SGCZ: variants seen among roughly 807,000 people sequenced by gnomAD.
The protein encoded by SGCZ is sarcoglycan zeta, also known as zeta-sarcoglycan.
SGCZ carries 40 observed loss-of-function variants against 41.3 expected under a neutral mutation model. That is an observed-to-expected ratio of 0.97 (90% confidence interval 0.75 to 1.26). SGCZ has a LOEUF of 1.26. Among genes scored for constraint, SGCZ ranks in the 50% most tolerant of loss-of-function variants. The pLI, the probability that SGCZ is intolerant of heterozygous loss-of-function variation, is 0.00. For synonymous variants in SGCZ, 206 were observed against 137.5 expected, an observed-to-expected ratio of 1.50 and a Z score of -3.49; for missense variants, 552 against 369.8, an observed-to-expected ratio of 1.49 and a Z score of -4.04.
chr8:14,252,484 G>T (rs776640668), intron 3 of SGCZ, among the ~76,000 whole-genome samples: 2 of 151,900 alleles, frequency 1.3e-5, no homozygotes, highest in African/African-American at 4.8e-5. Context: ...GTGAATAATT[G>T]TTTCTGTTAA....
intron 4 of SGCZ, among the ~76,000 whole-genome samples, chr8:14,168,558 C>A (rs886132685): frequency 6.6e-6 from 1 of 152,124 alleles, no homozygotes; most frequent in Non-Finnish European, 1.5e-5. Context: ...TTCCCGGCTG[C>A]CACGTAAGAT....
At chr8:14,853,710 T>C (rs541574019) in intron 1 of SGCZ, among the ~76,000 whole-genome samples, 25 of 152,202 alleles carry the variant, frequency 1.6e-4, no homozygotes, top group Admixed American at 1.3e-3. Flanking sequence ...ATGGGTACCA[T>C]AGAAGAGCTA....
In SGCZ at chr8:14,502,361, T is replaced by C. The variant is rs534072041; in HGVS notation, c.234+52371A>G. Among the ~76,000 whole-genome samples the C allele has an allele frequency of 2.4e-3, 361 of 152,300 alleles. 2 individuals carry two copies. Among genetic ancestry groups the C allele is most frequent in the Non-Finnish European group, 4.0e-3 (273 of 68,020 alleles). On this transcript the variant is annotated intron_variant, in intron 2 of 7. Coordinates refer to ENST00000382080, the MANE Select transcript of SGCZ (RefSeq NM_139167.4). ...TCTCAATCAGGCAATAAGTAATATT[T>C]ATTCATGTACGCATGAATTTATCAA...
intron 2 of SGCZ, among the ~76,000 whole-genome samples, chr8:14,451,750 A>G (rs752554013): frequency 5.3e-5 from 8 of 152,218 alleles, no homozygotes; most frequent in Non-Finnish European, 1.2e-4. Context: ...AATGTCCAAC[A>G]TTGTATATCA....
intron 1 of SGCZ, among the ~76,000 whole-genome samples, chr8:14,562,475 T>C: frequency 6.6e-6 from 1 of 152,126 alleles, no homozygotes; most frequent in Admixed American, 6.5e-5. Context: ...AGCAATATAA[T>C]GTTAATTAGT....
At chr8:14,289,843 G>T (rs565538087) in intron 3 of SGCZ, among the ~76,000 whole-genome samples, 1 of 150,680 alleles carries the variant, frequency 6.6e-6, no homozygotes, top group South Asian at 2.1e-4. Context: ...AAAAAGAAAA[G>T]AAAAAGAGGT....
chr8:15,166,278 C>T (rs1224719711), intron 1 of SGCZ, among the ~76,000 whole-genome samples: 2 of 146,546 alleles, frequency 1.4e-5, no homozygotes, highest in Admixed American at 7.0e-5. Flanking sequence ...GACGGAGTCT[C>T]GCTCTGTCGC....
At chr8:14,927,758 T>C (rs1563369214) in intron 1 of SGCZ, among the ~76,000 whole-genome samples, 2 of 152,132 alleles carry the variant, frequency 1.3e-5, no homozygotes, top group East Asian at 3.9e-4. Context: ...GAAAGCAAAA[T>C]GCGTTGACTC....
Position 15,200,829 on chromosome 8 carries a change from A to T in SGCZ, c.39+36756T>A, listed in dbSNP as rs543923713. On this transcript the variant is annotated intron_variant, in intron 1 of 7. Coordinates refer to ENST00000382080, the MANE Select transcript of SGCZ (RefSeq NM_139167.4). ...CCTGACCCAAAGTCCTTAACCTGTC[A>T]CACTCTGCCTGAGTTCTAATCCATT... 3.2e-4 allele frequency among the ~76,000 whole-genome samples: 48 copies of T among 152,300 alleles called. No individual in the cohort carries two copies. The South Asian group carries it at 9.7e-3, about 31-fold the overall frequency.
intron 1 of SGCZ, among the ~76,000 whole-genome samples, chr8:14,969,807 G>A (rs137926296): frequency 6.6e-6 from 1 of 152,028 alleles, no homozygotes; most frequent in East Asian, 1.9e-4. Flanking sequence ...ATAAGTTGGC[G>A]CTACTGCAAA....
chr8:14,910,856 T>C (rs895180641), intron 1 of SGCZ, among the ~76,000 whole-genome samples: 1 of 151,964 alleles, frequency 6.6e-6, no homozygotes, highest in East Asian at 1.9e-4. Context: ...AGATGGCTTT[T>C]TCAGAAGCAA....
At chr8:14,423,634 G>A (rs1432329670) in intron 2 of SGCZ, among the ~76,000 whole-genome samples, 3 of 152,032 alleles carry the variant, frequency 2.0e-5, no homozygotes, top group African/African-American at 4.8e-5. Flanking sequence ...GGTTGGTCGC[G>A]AACTCCTGAC....
chr8:15,051,875 T>C (rs566810498), intron 1 of SGCZ, among the ~76,000 whole-genome samples: 6 of 151,996 alleles, frequency 3.9e-5, no homozygotes, highest in Non-Finnish European at 7.4e-5. Context: ...GCTGGAAGGA[T>C]AGGAAGTGTA....
chr8:14,891,696 A>G (rs1021189823), intron 1 of SGCZ, among the ~76,000 whole-genome samples: 7 of 152,186 alleles, frequency 4.6e-5, no homozygotes, highest in Non-Finnish European at 8.8e-5. Context: ...GCAAAATGCT[A>G]TCAAACGGAG....
chr8:15,209,689 A>C (rs1013770903), intron 1 of SGCZ, among the ~76,000 whole-genome samples: 1 of 152,178 alleles, frequency 6.6e-6, no homozygotes, highest in Non-Finnish European at 1.5e-5. Context: ...AACAGACAAA[A>C]CATAAGGCAA....
chr8:15,082,085 T>TG (rs1805772380), intron 1 of SGCZ, among the ~76,000 whole-genome samples: 1 of 151,926 alleles, frequency 6.6e-6, no homozygotes, highest in African/African-American at 2.4e-5. Flanking sequence ...AAAAATTAGC[T>TG]GGGCATGATC....
At chr8:15,199,430 T>A (rs916952814) in intron 1 of SGCZ, among the ~76,000 whole-genome samples, 5 of 152,194 alleles carry the variant, frequency 3.3e-5, no homozygotes, top group African/African-American at 1.2e-4. Context: ...TAAATTTGTG[T>A]AATAAAGTTG....
At chr8:14,689,920 G>C (rs552496958) in intron 1 of SGCZ, among the ~76,000 whole-genome samples, 4 of 152,192 alleles carry the variant, frequency 2.6e-5, no homozygotes, top group African/African-American at 9.6e-5. Context: ...TACTGCCTAC[G>C]CAGGACACTG....
chr8:14,357,808 G>A (rs940680246), intron 2 of SGCZ, among the ~76,000 whole-genome samples: 1 of 152,306 alleles, frequency 6.6e-6, no homozygotes, highest in Non-Finnish European at 1.5e-5. Context: ...AGGTCATGCA[G>A]TATAAAGTAG....
Sources: gnomAD v4.1 joint callset for allele counts (sites outside exome capture counted in the v4.1 genomes callset) on GRCh38, gnomAD v4.1.1 for gene constraint, MANE v1.5 for transcripts, NCBI Gene and HGNC (gene_info 2026-07-23, HGNC 2026-07-21) for gene names.